The following GPHN variants were observed in gnomAD, a reference collection of about 807,000 sequenced individuals.
GPHN encodes the protein gephyrin.
GPHN carries 17 observed loss-of-function variants against 95.5 expected under a neutral mutation model. The ratio of observed to expected loss-of-function variants is 0.18; its 90% confidence interval spans 0.12 to 0.27. The LOEUF (loss-of-function observed/expected upper bound fraction) is 0.27, where lower values mean the gene tolerates loss of function less well. Among genes scored for constraint, GPHN ranks in the 10% least tolerant of loss-of-function variants. GPHN has a pLI of 1.00. For synonymous variants in GPHN, 320 were observed against 322.5 expected, an observed-to-expected ratio of 0.99 and a Z score of 0.08; for missense variants, 660 against 978.1, an observed-to-expected ratio of 0.67 and a Z score of 4.34.
chr14:67,337,854 A>G, the GPHN span: 2 of 152,248 alleles, frequency 1.3e-5, no homozygotes, highest in Non-Finnish European at 2.9e-5. Context: ...CAAATAAGGA[A>G]GTATTATAAT....
the GPHN span, chr14:67,651,191 T>C: frequency 2.7e-6 from 3 of 1,113,844 alleles, no homozygotes; most frequent in Non-Finnish European, 3.7e-6. Flanking sequence ...TGGTATATCA[T>C]ACTGGTCTTG....
intron 9 of GPHN, among the ~76,000 whole-genome samples, chr14:66,992,468 T>A (rs1390022775): frequency 6.6e-6 from 1 of 152,152 alleles, no homozygotes; most frequent in African/African-American, 2.4e-5. Flanking sequence ...GTAATGATCT[T>A]TTGAACCATG....
the GPHN span, chr14:67,727,414 C>A: frequency 3.9e-6 from 2 of 518,500 alleles, no homozygotes; most frequent in Non-Finnish European, 3.5e-6. Context: ...ATTTGTGTCA[C>A]ATCTTATCTC....
the GPHN span, among the ~76,000 whole-genome samples, chr14:67,436,303 G>A: frequency 1.3e-5 from 2 of 152,206 alleles, no homozygotes; most frequent in African/African-American, 4.8e-5. Flanking sequence ...TGGAGTAGCT[G>A]GGGGATATTG....
At chr14:67,449,142 G>A in the GPHN span, among the ~76,000 whole-genome samples, 1 of 152,210 alleles carries the variant, frequency 6.6e-6, no homozygotes, top group African/African-American at 2.4e-5. Context: ...TGCTGAAGAT[G>A]GGATTCCTGC....
chr14:67,089,361 T>C (rs541529937), intron 12 of GPHN, among the ~76,000 whole-genome samples: 26 of 152,140 alleles, frequency 1.7e-4, no homozygotes, highest in Admixed American at 5.9e-4. Context: ...TGTGGATACA[T>C]GGTAGGTATA....
chr14:67,101,211 T>TC (rs745536833), intron 13 of GPHN, among the ~76,000 whole-genome samples: 3 of 152,102 alleles, frequency 2.0e-5, no homozygotes, highest in Non-Finnish European at 4.4e-5. Context: ...ATGTTCTGAA[T>TC]AGAACAATTT....
At chr14:66,674,154 A>G (rs1330696000) in intron 1 of GPHN, among the ~76,000 whole-genome samples, 1 of 149,086 alleles carries the variant, frequency 6.7e-6, no homozygotes, top group Admixed American at 6.7e-5. Context: ...GCTGGAGTGC[A>G]GTGGTGCGAT....
intron 11 of GPHN, among the ~76,000 whole-genome samples, chr14:67,078,300 T>G (rs556861611): frequency 1.3e-5 from 2 of 152,304 alleles, no homozygotes; most frequent in East Asian, 3.9e-4. Context: ...GGGCAACTGG[T>G]AAAAGGAAAT....
At chr14:66,590,205 G>T (rs540153292) in intron 1 of GPHN, among the ~76,000 whole-genome samples, 1 of 152,130 alleles carries the variant, frequency 6.6e-6, no homozygotes, top group African/African-American at 2.4e-5. Context: ...AGCACTAAAT[G>T]CCCACAGGAG....
chr14:67,726,491 A>C, the GPHN span, among the ~76,000 whole-genome samples: 1 of 152,246 alleles, frequency 6.6e-6, no homozygotes, highest in Non-Finnish European at 1.5e-5. Context: ...GGTCACATCT[A>C]CATGATGGCC....
intron 4 of GPHN, among the ~76,000 whole-genome samples, chr14:66,862,943 A>G (rs1006385712): frequency 1.3e-5 from 2 of 152,104 alleles, no homozygotes; most frequent in Non-Finnish European, 2.9e-5. Context: ...TGTCAGCACT[A>G]TTATTCAGCG....
chr14:66,871,736 G>A (rs2063443689), intron 4 of GPHN, among the ~76,000 whole-genome samples: 1 of 151,924 alleles, frequency 6.6e-6, no homozygotes, highest in South Asian at 2.1e-4. Context: ...AGAACACATG[G>A]ACACAGGGAG....
At chr14:66,982,358 A>G (rs1206816556) in intron 9 of GPHN, among the ~76,000 whole-genome samples, 1 of 151,868 alleles carries the variant, frequency 6.6e-6, no homozygotes, top group Non-Finnish European at 1.5e-5. Flanking sequence ...AAATTCTTGG[A>G]AAAAAAAGTA....
chr14:67,581,369 G>A, the GPHN span, among the ~76,000 whole-genome samples: 1 of 151,620 alleles, frequency 6.6e-6, no homozygotes, highest in Non-Finnish European at 1.5e-5. Flanking sequence ...TACAAAAAAT[G>A]CAAAAATTAG....
intron 2 of GPHN, among the ~76,000 whole-genome samples, chr14:66,713,769 T>A (rs956925659): frequency 1.3e-5 from 2 of 151,886 alleles, no homozygotes; most frequent in African/African-American, 4.8e-5. Context: ...TGTTTGTTTG[T>A]TTGTTTATTT....
the GPHN span, among the ~76,000 whole-genome samples, chr14:67,666,776 G>A: frequency 2.0e-5 from 3 of 152,164 alleles, no homozygotes; most frequent in Non-Finnish European, 4.4e-5. Context: ...ATGTATGGCA[G>A]CACTAGTTCT....
At chr14:67,465,698 C>A in the GPHN span, among the ~76,000 whole-genome samples, 3 of 152,294 alleles carry the variant, frequency 2.0e-5, no homozygotes, top group South Asian at 6.2e-4. Flanking sequence ...TGAATGGTGG[C>A]CCACCAAAAA....
At chr14:67,576,235 T>C in the GPHN span, among the ~76,000 whole-genome samples, 4 of 152,256 alleles carry the variant, frequency 2.6e-5, no homozygotes, top group African/African-American at 9.6e-5. The surrounding 1 kb of genome is among the most constrained non-coding windows in gnomAD (Gnocchi z 4.0). Flanking sequence ...GTTGGGTTCA[T>C]GTTCACCTGA....
Sources: allele counts gnomAD v4.1 joint callset (sites outside exome capture counted in the v4.1 genomes callset), GRCh38; gene constraint gnomAD v4.1.1; non-coding constraint Gnocchi (gnomAD v3.1); transcripts MANE v1.5; gene names NCBI Gene and HGNC (gene_info 2026-07-23, HGNC 2026-07-21).